The following RBM44 variants were observed in gnomAD, a reference collection of about 807,000 sequenced individuals.
RBM44 encodes the protein RNA binding motif protein 44.
A neutral mutation model predicts 105.1 loss-of-function variants in RBM44; 66 were observed. The observed-to-expected ratio is 0.63, with a 90% confidence interval of 0.52 to 0.77. The LOEUF is 0.77. RBM44 is among the 30% of genes least tolerant of loss of function. The pLI, the probability that RBM44 is intolerant of heterozygous loss-of-function variation, is 0.00. For missense variants in RBM44, 1,122 were observed against 1,207.8 expected (o/e 0.93, Z 1.05); for synonymous variants, 365 against 417.6 (o/e 0.87, Z 1.54).
intron 13 of RBM44, among the ~76,000 whole-genome samples, chr2:237,830,635 A>G (rs2061894087): frequency 6.6e-6 from 1 of 152,216 alleles, no homozygotes; most frequent in African/African-American, 2.4e-5. Flanking sequence ...CATATGGAAT[A>G]GTTCCAGCAT....
At chr2:237,840,165 G>A (rs1316032127) in intron 15 of RBM44, among the ~76,000 whole-genome samples, 1 of 141,358 alleles carries the variant, frequency 7.1e-6, no homozygotes, top group Admixed American at 7.2e-5. Context: ...TCCAGTCTGG[G>A]TGATAGAGCA....
At position 237,818,608 on chromosome 2, in the gene RBM44, A is replaced by G; in HGVS notation, c.1677+12A>G. On this transcript the variant is annotated intron_variant, in intron 3 of 15. Coordinates refer to ENST00000316997, the MANE Select transcript of RBM44 (RefSeq NM_001080504.3). The surrounding 1 kb of genome is among the most constrained non-coding windows in gnomAD (Gnocchi z 4.6). Reference sequence around the variant, plus strand: ...ATTTTCTAAATAAGGTAAAATCAATATGAGTAATAATAAAATTTGGACTTT... The same window carrying G: ...ATTTTCTAAATAAGGTAAAATCAATGTGAGTAATAATAAAATTTGGACTTT... The G allele has an allele frequency of 2.1e-6, 3 of 1,453,732 alleles. No individual in the cohort carries two copies. The highest frequency in any genetic ancestry group is 1.8e-4 in the Middle Eastern group (1 of 5,460). 90.1% of individuals were successfully genotyped at this position (1,453,732 alleles called of 1,614,324 possible).
intron 10 of RBM44, 112 bp downstream of exon 10, chr2:237,824,531 G>T: frequency 3.7e-6 from 3 of 820,436 alleles, no homozygotes; most frequent in Non-Finnish European, 5.3e-6. Context: ...TTTTATTCCT[G>T]TTTTGGCTTT....
At chr2:237,831,248 G>GTT (rs2061900135) in intron 13 of RBM44, among the ~76,000 whole-genome samples, 2 of 136,622 alleles carry the variant, frequency 1.5e-5, no homozygotes, top group African/African-American at 5.3e-5. Context: ...TTTTTTGGGG[G>GTT]GGGGGGGGTT....
chr2:237,837,322 G>A (rs1377504419), intron 15 of RBM44, among the ~76,000 whole-genome samples: 1 of 152,074 alleles, frequency 6.6e-6, no homozygotes, highest in Non-Finnish European at 1.5e-5. Flanking sequence ...ATTTCATAAG[G>A]TTATAGCTGT....
chr2:237,811,073 G>GA lies in RBM44; in HGVS notation c.-18-2511dup, dbSNP rs1007930983. On this transcript the variant is annotated intron_variant, in intron 1 of 15. Coordinates refer to ENST00000316997, the MANE Select transcript of RBM44 (RefSeq NM_001080504.3). ...GCAGCCTTCAACTTCCAAAGAAAAG[G>GA]AAAAAAAATGACAAGACGCAAGCTA... 7.3e-5 allele frequency among the ~76,000 whole-genome samples: 11 copies of GA among 151,592 alleles called. No individual in the cohort carries two copies. The East Asian group carries it at 2.1e-3, about 29-fold the overall frequency.
rs749499280 is a variant in RBM44 at position 237,821,104 on chromosome 2, G to A, written c.1947G>A (p.Leu649=). The A allele has an allele frequency of 3.1e-6, 5 of 1,587,370 alleles. No homozygotes were observed. In the Admixed American group the frequency reaches 9.9e-5, roughly 32 times the overall value. ...NLSSNSAKKE[L]GSALLSLLGD... ...CAAGTAATTCTGCTAAGAAGGAATT[G>A]GGATCAGCACTACTGTCTCTTTTGG... Residue 649 remains leucine (L), a synonymous_variant, in exon 6 of 16, where the codon TTG becomes TTA. Transcript: ENST00000316997.
intron 15 of RBM44, among the ~76,000 whole-genome samples, chr2:237,838,785 T>G (rs2061983037): frequency 6.6e-6 from 1 of 152,200 alleles, no homozygotes; most frequent in South Asian, 2.1e-4. Context: ...AGGTAAAGTC[T>G]GGAGGAAACA....
chr2:237,809,464 A>C lies in RBM44; in HGVS notation c.-18-4128A>C, dbSNP rs562014545. ...TCTCTAGTTCTTTCTTTTACTTGTA[A>C]GTCTACTCCAGACAGGCATCTTTCA... On this transcript the variant is annotated intron_variant, in intron 1 of 15. Transcript: ENST00000316997. Among the ~76,000 whole-genome samples, 127 of 152,240 alleles carry C rather than the reference A, an allele frequency of 8.3e-4. 1 individual carries two copies. The highest frequency in any genetic ancestry group is 6.0e-3 in the East Asian group (31 of 5,182).
chr2:237,818,574 C>A lies in RBM44; in HGVS notation c.1655C>A (p.Pro552His). ...GKSLSVDSLK[P>H]NGNFLNKDFL... is the part of the protein sequence containing the mutation. ...TCTCTCTCCGTTGACAGTTTAAAAC[C>A]TAATGGAAATTTTCTAAATAAGGTA... Residue 552 changes from proline (P) to histidine (H), a missense_variant, in exon 3 of 16, where the codon CCT becomes CAT. Physicochemically the swap from Pro to His is moderately conservative, Grantham distance 77 (BLOSUM62 -2). Transcript: ENST00000316997. The surrounding 1 kb of genome is among the most constrained non-coding windows in gnomAD (Gnocchi z 4.6). 6.5e-7 allele frequency: 1 copy of A among 1,545,600 alleles called. No homozygotes were observed. The highest frequency in any genetic ancestry group is 8.7e-7 in the Non-Finnish European group (1 of 1,150,620).
Position 237,841,664 on chromosome 2 carries a change from A to C in RBM44, c.*23-175A>C, listed in dbSNP as rs147526798. 1.3e-5 allele frequency among the ~76,000 whole-genome samples: 2 copies of C among 152,248 alleles called. No homozygotes were observed. The highest frequency in any genetic ancestry group is 2.9e-5 in the Non-Finnish European group (2 of 68,038). On this transcript the variant is annotated intron_variant, in intron 15 of 15. Coordinates refer to ENST00000316997, the MANE Select transcript of RBM44 (RefSeq NM_001080504.3). The surrounding 1 kb of genome is among the most constrained non-coding windows in gnomAD (Gnocchi z 4.5). ...AGAAATATGAGTTAAAATGATTGCT[A>C]GATACAAAGACAAGACACAAAAATT...
intron 1 of RBM44, among the ~76,000 whole-genome samples, chr2:237,801,053 G>A (rs534157741): frequency 5.9e-5 from 9 of 152,144 alleles, no homozygotes; most frequent in African/African-American, 2.2e-4. Flanking sequence ...TATGAAGAGC[G>A]GGCTGGGTGC....
At chr2:237,819,889 C>T (rs1450524378) in intron 4 of RBM44, among the ~76,000 whole-genome samples, 1 of 151,796 alleles carries the variant, frequency 6.6e-6, no homozygotes, top group East Asian at 1.9e-4. Context: ...AGAGAATAAG[C>T]AATTCTCCAG....
Position 237,824,417 on chromosome 2 carries a change from G to A in RBM44, c.2447G>A (p.Gly816Glu). ...EQDTWNLDLTGEMKNVEPSQR... is the reference protein window; with the variant it reads ...EQDTWNLDLTEEMKNVEPSQR... ...GACACATGGAATTTGGATCTTACAG[G>A]AGGTTGGTTCTCAAGAATTTACCGA... The change falls in exon 10 of 16, where the codon GGA (glycine) becomes GAA (glutamate). Residue 816 changes from glycine (G) to glutamate (E), a missense_variant and splice_region_variant. Physicochemically the swap from Gly to Glu is moderately conservative, Grantham distance 98 (BLOSUM62 -2). Transcript: ENST00000316997. 1 of 1,611,736 alleles carries A rather than the reference G, an allele frequency of 6.2e-7. No individual in the cohort carries two copies. Among genetic ancestry groups the A allele is most frequent in the Non-Finnish European group, 8.5e-7 (1 of 1,178,668 alleles).
chr2:237,802,513 C>T (rs1376800685), intron 1 of RBM44, among the ~76,000 whole-genome samples: 1 of 152,154 alleles, frequency 6.6e-6, no homozygotes, highest in Non-Finnish European at 1.5e-5. Context: ...AGGTTGTGGA[C>T]TGTTGTCCTC....
chr2:237,800,392 G>A (rs1430378722), intron 1 of RBM44, among the ~76,000 whole-genome samples: 5 of 152,106 alleles, frequency 3.3e-5, no homozygotes, highest in Non-Finnish European at 7.4e-5. Flanking sequence ...TGATCTGCAA[G>A]TACTTCCGTT....
intron 1 of RBM44, among the ~76,000 whole-genome samples, chr2:237,802,437 C>A (rs2061554644): frequency 1.3e-5 from 2 of 152,180 alleles, no homozygotes; most frequent in African/African-American, 4.8e-5. Context: ...GAAGCCACTA[C>A]CCTACCTCCA....
chr2:237,832,180 G>A (rs2061910714), intron 13 of RBM44, among the ~76,000 whole-genome samples: 2 of 149,040 alleles, frequency 1.3e-5, no homozygotes, highest in Admixed American at 1.3e-4. Flanking sequence ...TTTGAGACAG[G>A]ATCTCACTCT....
At position 237,820,365 on chromosome 2, in the gene RBM44, T is replaced by G; in HGVS notation, c.1913+14T>G. 6.8e-7 allele frequency: 1 copy of G among 1,480,766 alleles called. No homozygotes were observed. The highest frequency in any genetic ancestry group is 9.2e-7 in the Non-Finnish European group (1 of 1,085,852). The allele number at this position is 1,480,766 out of a possible 1,614,324, so 91.7% of individuals were successfully genotyped here. ...AGGATTAAATATGTGTTTATTAATT[T>G]CAAATCTGTTTTTTCTTAGAAATGT... On this transcript the variant is annotated intron_variant, in intron 5 of 15. Transcript: ENST00000316997.
Sources: allele counts gnomAD v4.1 joint callset (sites outside exome capture counted in the v4.1 genomes callset), GRCh38; gene constraint gnomAD v4.1.1; non-coding constraint Gnocchi (gnomAD v3.1); transcripts MANE v1.5; gene names NCBI Gene and HGNC (gene_info 2026-07-23, HGNC 2026-07-21).